BMAL1: variants seen among roughly 807,000 people sequenced by gnomAD.
The protein encoded by BMAL1 is basic helix-loop-helix ARNT like 1.
the BMAL1 span, among the ~76,000 whole-genome samples, chr11:13,295,540 C>T: frequency 6.6e-6 from 1 of 151,870 alleles, no homozygotes; most frequent in Non-Finnish European, 1.5e-5. Context: ...GTGGAGGAGA[C>T]CCCTTGCGAG....
At chr11:13,384,262 CTT>C in the BMAL1 span, among the ~76,000 whole-genome samples, 11 of 152,122 alleles carry the variant, frequency 7.2e-5, no homozygotes, top group Non-Finnish European at 1.0e-4. Flanking sequence ...CTTCCTAAAA[CTT>C]AAAAAATGTT....
the BMAL1 span, among the ~76,000 whole-genome samples, chr11:13,337,293 A>G: frequency 6.6e-6 from 1 of 152,172 alleles, no homozygotes; most frequent in Non-Finnish European, 1.5e-5. Flanking sequence ...TCTTTTTTCT[A>G]TAGACACATA....
the BMAL1 span, among the ~76,000 whole-genome samples, chr11:13,363,976 G>GT: frequency 4.6e-5 from 7 of 152,184 alleles, no homozygotes; most frequent in Non-Finnish European, 7.4e-5. Context: ...TTCCTCTGGA[G>GT]TACTGAAATA....
the BMAL1 span, among the ~76,000 whole-genome samples, chr11:13,331,666 G>T: frequency 6.6e-6 from 1 of 152,194 alleles, no homozygotes; most frequent in Admixed American, 6.5e-5. Flanking sequence ...ATCATGGTGG[G>T]TTTTTTCTGA....
chr11:13,317,522 G>A, the BMAL1 span, among the ~76,000 whole-genome samples: 97 of 152,260 alleles, frequency 6.4e-4, no homozygotes, highest in Non-Finnish European at 1.1e-3. Flanking sequence ...GTTTAAAATC[G>A]TTATGGTAAA....
the BMAL1 span, among the ~76,000 whole-genome samples, chr11:13,296,434 A>G: frequency 1.3e-5 from 2 of 152,226 alleles, no homozygotes; most frequent in Non-Finnish European, 2.9e-5. Context: ...ACCAGAGAGT[A>G]AGTCATTCAT....
the BMAL1 span, among the ~76,000 whole-genome samples, chr11:13,312,556 C>T: frequency 1.3e-5 from 2 of 152,196 alleles, no homozygotes; most frequent in Non-Finnish European, 2.9e-5. Context: ...TTGAAGGCAG[C>T]AGCCTTGGGC....
At chr11:13,372,768 A>G in the BMAL1 span, among the ~76,000 whole-genome samples, 1 of 152,096 alleles carries the variant, frequency 6.6e-6, no homozygotes. Context: ...CTGTGATTGC[A>G]CCACTGCACT....
At chr11:13,299,265 T>G in the BMAL1 span, among the ~76,000 whole-genome samples, 1 of 152,176 alleles carries the variant, frequency 6.6e-6, no homozygotes, top group Non-Finnish European at 1.5e-5. Context: ...TATAAGAGTT[T>G]GGCTTTTTGG....
chr11:13,296,395 G>A, the BMAL1 span, among the ~76,000 whole-genome samples: 5 of 152,046 alleles, frequency 3.3e-5, no homozygotes, highest in African/African-American at 1.2e-4. Flanking sequence ...AGCTTTCCTC[G>A]CTCCTCTCCC....
chr11:13,381,922 A>G, the BMAL1 span, among the ~76,000 whole-genome samples: 1 of 152,212 alleles, frequency 6.6e-6, no homozygotes, highest in African/African-American at 2.4e-5. Context: ...AGTAGAGCTT[A>G]GGACAGTTTA....
the BMAL1 span, among the ~76,000 whole-genome samples, chr11:13,385,367 A>C: frequency 6.6e-6 from 1 of 152,230 alleles, no homozygotes; most frequent in Admixed American, 6.5e-5. Flanking sequence ...GGAAACGTCT[A>C]GCTGGGCTCA....
the BMAL1 span, chr11:13,379,262 G>T: frequency 3.3e-5 from 5 of 152,130 alleles, no homozygotes; most frequent in African/African-American, 1.2e-4. Context: ...CCAAATTTGG[G>T]GAATAGAGAA....
the BMAL1 span, among the ~76,000 whole-genome samples, chr11:13,344,026 C>T: frequency 6.6e-6 from 1 of 152,122 alleles, no homozygotes; most frequent in Non-Finnish European, 1.5e-5. Context: ...AATGGGCCCC[C>T]CTCACACCCT....
the BMAL1 span, chr11:13,278,067 C>G: frequency 3.3e-5 from 5 of 152,062 alleles, no homozygotes; most frequent in African/African-American, 1.2e-4. Context: ...TGCCCGCTGC[C>G]GGCCTTAAAG....
At chr11:13,315,191 G>A in the BMAL1 span, among the ~76,000 whole-genome samples, 1 of 152,222 alleles carries the variant, frequency 6.6e-6, no homozygotes, top group Non-Finnish European at 1.5e-5. Flanking sequence ...GGATGGAAAT[G>A]CTTGTGATGC....
At chr11:13,288,216 T>C in the BMAL1 span, among the ~76,000 whole-genome samples, 2 of 152,104 alleles carry the variant, frequency 1.3e-5, no homozygotes, top group African/African-American at 4.8e-5. Flanking sequence ...GGAAGATCAC[T>C]GAAGGCCCAA....
chr11:13,369,282 T>C, the BMAL1 span, among the ~76,000 whole-genome samples: 1 of 152,230 alleles, frequency 6.6e-6, no homozygotes, highest in Middle Eastern at 3.2e-3. Context: ...TACATCACCC[T>C]GTCCTATTAT....
At chr11:13,363,224 CA>C in the BMAL1 span, among the ~76,000 whole-genome samples, 1 of 138,802 alleles carries the variant, frequency 7.2e-6, no homozygotes, top group African/African-American at 2.7e-5. Flanking sequence ...ATAAATAAAA[CA>C]AGCTCCTTTT....
Sources: allele counts gnomAD v4.1 joint callset (sites outside exome capture counted in the v4.1 genomes callset), GRCh38; gene constraint gnomAD v4.1.1; transcripts MANE v1.5; gene names NCBI Gene and HGNC (gene_info 2026-07-23, HGNC 2026-07-21).